The following ITSN2 variants were observed in gnomAD, a reference collection of about 807,000 sequenced individuals.
The protein encoded by ITSN2 is intersectin 2.
In ITSN2, 156 loss-of-function variants were observed where a neutral mutation model predicts 243.7. That is an observed-to-expected ratio of 0.64 (90% CI 0.56 to 0.73). The LOEUF (loss-of-function observed/expected upper bound fraction) is 0.73, where lower values mean the gene tolerates loss of function less well. ITSN2 is among the 30% of genes least tolerant of loss of function. The pLI, the probability that ITSN2 is intolerant of heterozygous loss-of-function variation, is 0.00. For synonymous variants in ITSN2, 703 were observed against 699.9 expected, an observed-to-expected ratio of 1.00 and a Z score of -0.07; for missense variants, 1,801 against 1,996.1, an observed-to-expected ratio of 0.90 and a Z score of 1.86.
At chr2:24,238,131 T>C in intron 29 of ITSN2, among the ~76,000 whole-genome samples, 1 of 152,220 alleles carries the variant, frequency 6.6e-6, no homozygotes, top group Middle Eastern at 3.2e-3. Flanking sequence ...CGTTCACCAA[T>C]CTATGGCTGA....
intron 18 of ITSN2, among the ~76,000 whole-genome samples, chr2:24,272,398 G>C (rs1341370459): frequency 6.6e-6 from 1 of 150,962 alleles, no homozygotes; most frequent in Admixed American, 6.6e-5. Flanking sequence ...TGTGGAAATA[G>C]GAAATGCTTC....
At chr2:24,258,409 G>A (rs180815082) in intron 22 of ITSN2, among the ~76,000 whole-genome samples, 17 of 152,278 alleles carry the variant, frequency 1.1e-4, no homozygotes, top group African/African-American at 2.9e-4. Flanking sequence ...AATGAAAAAG[G>A]AATGTTACTG....
intron 25 of ITSN2, among the ~76,000 whole-genome samples, chr2:24,251,929 A>G: frequency 6.6e-6 from 1 of 152,136 alleles, no homozygotes; most frequent in East Asian, 1.9e-4. Flanking sequence ...GCACTATACC[A>G]TACTGGTGGT....
chr2:24,342,326 C>A (rs529598857), intron 1 of ITSN2, among the ~76,000 whole-genome samples: 1 of 151,662 alleles, frequency 6.6e-6, no homozygotes, highest in East Asian at 1.9e-4. Context: ...GCTTTTCAAG[C>A]GGCTGGGACC....
At chr2:24,243,680 C>G (rs1000671100) in intron 29 of ITSN2, among the ~76,000 whole-genome samples, 1 of 152,044 alleles carries the variant, frequency 6.6e-6, no homozygotes, top group African/African-American at 2.4e-5. Context: ...TATTGACGAT[C>G]AGTCTTCCTG....
At chr2:24,206,367 C>CG (rs776358394) in intron 37 of ITSN2, 141 of 254,740 alleles carry the variant, frequency 5.5e-4, no homozygotes, top group Admixed American at 1.0e-3. Flanking sequence ...TGGGGGGGCC[C>CG]GGCGGGAAGG....
chr2:24,328,130 T>C lies in ITSN2; in HGVS notation c.-33-15A>G. 3.7e-6 allele frequency: 6 copies of C among 1,600,108 alleles called. No individual in the cohort carries two copies. The highest frequency in any genetic ancestry group is 5.1e-6 in the Non-Finnish European group (6 of 1,167,922). The stretch of plus-strand genomic sequence containing the variant: ...CTCTCAGCCATCTGCAACATAAAAA[T>C]ATTGTGCCGTTGATAATACAACAAG... On this transcript the variant is annotated splice_polypyrimidine_tract_variant and intron_variant, in intron 1 of 39. Coordinates refer to ENST00000355123, the MANE Select transcript of ITSN2 (RefSeq NM_006277.3).
At chr2:24,348,405 G>A (rs1239477609) in intron 1 of ITSN2, among the ~76,000 whole-genome samples, 2 of 151,852 alleles carry the variant, frequency 1.3e-5, no homozygotes, top group Non-Finnish European at 2.9e-5. Context: ...GGCCAGGCTG[G>A]TCTCGAACTC....
rs141839746 is a variant in ITSN2, at chr2:24,280,513, T to A, written c.1944+4250A>T. Among the ~76,000 whole-genome samples the A allele has an allele frequency of 2.0e-4, 31 of 152,340 alleles. No homozygotes were observed. The East Asian group carries it at 6.0e-3, about 29-fold the overall frequency. ...CTATCATACAGCTACCAATCTTCTC[T>A]GAACGAAAATTCTCTTCCCTCGTCA... On this transcript the variant is annotated intron_variant, in intron 17 of 39. Transcript: ENST00000355123.
chr2:24,243,628 A>G (rs1672996625), intron 29 of ITSN2, among the ~76,000 whole-genome samples: 1 of 152,128 alleles, frequency 6.6e-6, no homozygotes, highest in South Asian at 2.1e-4. Flanking sequence ...CACCACACTC[A>G]GCTAATTTTA....
chr2:24,242,873 A>G (rs1349513176), intron 29 of ITSN2, among the ~76,000 whole-genome samples: 2 of 152,356 alleles, frequency 1.3e-5, no homozygotes, highest in South Asian at 2.1e-4. Flanking sequence ...TAAACTAAAA[A>G]AAACCCACAT....
chr2:24,334,420 G>C, intron 1 of ITSN2: 1 of 457,248 alleles, frequency 2.2e-6, no homozygotes, highest in Non-Finnish European at 4.2e-6. Context: ...CAAACCCCTT[G>C]GCCCAGCCAA....
At chr2:24,344,428 T>C (rs1178581482) in intron 1 of ITSN2, among the ~76,000 whole-genome samples, 2 of 152,230 alleles carry the variant, frequency 1.3e-5, no homozygotes, top group African/African-American at 4.8e-5. Flanking sequence ...TGCCAATATT[T>C]GGTATGAACA....
At chr2:24,267,381 T>TAAA (rs11412953) in intron 20 of ITSN2, among the ~76,000 whole-genome samples, 3 of 139,584 alleles carry the variant, frequency 2.1e-5, no homozygotes, top group Admixed American at 7.1e-5. Flanking sequence ...ACTTAAAGTA[T>TAAA]AAAAAAAAAA....
At chr2:24,336,619 T>A (rs1686406977) in intron 1 of ITSN2, among the ~76,000 whole-genome samples, 1 of 152,208 alleles carries the variant, frequency 6.6e-6, no homozygotes, top group Non-Finnish European at 1.5e-5. Context: ...CACACTTTCT[T>A]CTCCTTCTTT....
At chr2:24,213,461 C>A (rs915751540) in intron 32 of ITSN2, among the ~76,000 whole-genome samples, 1 of 152,210 alleles carries the variant, frequency 6.6e-6, no homozygotes, top group African/African-American at 2.4e-5. Flanking sequence ...TCCACCTCAT[C>A]ATTTCCCCAC....
At chr2:24,268,994 T>C (rs1677010526) in intron 20 of ITSN2, among the ~76,000 whole-genome samples, 1 of 152,154 alleles carries the variant, frequency 6.6e-6, no homozygotes, top group South Asian at 2.1e-4. Flanking sequence ...ATAATTTTTT[T>C]AGTCCTTGTT....
rs1675282649 is a variant in ITSN2 at position 24,257,990 on chromosome 2, T to C, written c.2786A>G (p.Glu929Gly). 6.2e-7 allele frequency: 1 copy of C among 1,613,924 alleles called. No homozygotes were observed. The highest frequency in any genetic ancestry group is 1.3e-5 in the African/African-American group (1 of 74,922). ...CCCAAACCACCAATTTTCTTGCTGC[T>C]CCAAGACAGTAATAATGTCATGTTT... ...FSKHDIITVL[E>G]QQENWWFGEV... The change falls in exon 23 of 40, where the codon GAG becomes GGG. Residue 929 changes from glutamate (E) to glycine (G), a missense_variant. Physicochemically the swap from Glu to Gly is moderately conservative, Grantham distance 98. Around this residue, in one of 5 missense-constraint regions of ITSN2, gnomAD observed 928 missense variants for 1,065.4 expected, o/e 0.87. Coordinates refer to ENST00000355123, the MANE Select transcript of ITSN2 (RefSeq NM_006277.3).
At chr2:24,208,091 C>T (rs1045477846) in intron 37 of ITSN2, 146 bp downstream of exon 37, 2 of 752,234 alleles carry the variant, frequency 2.7e-6, no homozygotes, top group Non-Finnish European at 4.5e-6. Flanking sequence ...GTAGTAGCTT[C>T]AAGAGGGGAG....
Sources: allele counts gnomAD v4.1 joint callset (sites outside exome capture counted in the v4.1 genomes callset), GRCh38; gene constraint gnomAD v4.1.1; regional missense constraint gnomAD v4.1.1; transcripts MANE v1.5; gene names NCBI Gene and HGNC (gene_info 2026-07-23, HGNC 2026-07-21).